MGAM2: variants seen among roughly 807,000 people sequenced by gnomAD.
MGAM2 encodes maltase-glucoamylase 2 (putative).
MGAM2 carries 98 observed loss-of-function variants against 96.1 expected under a neutral mutation model. That is an observed-to-expected ratio of 1.02 (90% confidence interval 0.87 to 1.21). The LOEUF (loss-of-function observed/expected upper bound fraction) is 1.21. Among genes scored for constraint, MGAM2 ranks in the 50% most tolerant of loss-of-function variants. The pLI, the probability that MGAM2 is intolerant of heterozygous loss-of-function variation, is 0.00. For missense variants in MGAM2, 2,055 were observed against 1,182.4 expected (o/e 1.74, Z -10.82); for synonymous variants, 749 against 414.8 (o/e 1.81, Z -9.79).
chr7:142,214,578 G>A (rs1797689664), intron 46 of MGAM2, among the ~76,000 whole-genome samples: 1 of 152,104 alleles, frequency 6.6e-6, no homozygotes, highest in Admixed American at 6.5e-5. Flanking sequence ...AGATACCTAG[G>A]AATACAACTT....
Position 142,221,757 on chromosome 7 carries a change from A to G in MGAM2, c.7246A>G (p.Met2416Val), listed in dbSNP as rs1797937495. The G allele has an allele frequency of 1.2e-5, 5 of 407,236 alleles. No homozygotes were observed. Among genetic ancestry groups the G allele is most frequent in the African/African-American group, 4.1e-5 (2 of 48,770 alleles). The allele number at this position is 407,236 out of a possible 1,614,324, so 25.2% of individuals were successfully genotyped here. A position where few individuals can be genotyped will look rare whatever the true frequency, so the allele number is the denominator to read the frequency against. ...TACAAATCTTTCTAATCTAGGCACC[A>G]TGGATATTACTGATGCAGATAACTC... is the stretch of plus-strand genomic sequence containing the variant. ...APTNLSNLGT[M>V]DITDADNSSS... Residue 2416 changes from methionine to valine, a missense_variant, in exon 48 of 48, where the codon ATG (methionine) becomes GTG (valine). Met to Val is a conservative substitution (Grantham distance 21, BLOSUM62 1). Coordinates refer to ENST00000477922, the MANE Select transcript of MGAM2 (RefSeq NM_001293626.2).
At chr7:142,213,234 C>G (rs1422035321) in intron 46 of MGAM2, among the ~76,000 whole-genome samples, 1 of 151,838 alleles carries the variant, frequency 6.6e-6, no homozygotes, top group Non-Finnish European at 1.5e-5. Flanking sequence ...GATCTAAAAT[C>G]AACACCCTAA....
rs1360078542 is a variant in MGAM2, at chr7:142,198,421, TC to T, written c.4924-193del. 3.3e-5 allele frequency among the ~76,000 whole-genome samples: 5 copies of T among 152,306 alleles called. 1 individual carries two copies. Among genetic ancestry groups the T allele is most frequent in the African/African-American group, 1.2e-4 (5 of 41,558 alleles). On this transcript the variant is annotated intron_variant, in intron 43 of 47. Transcript: ENST00000477922. The stretch of plus-strand genomic sequence containing the variant: ...ACCCTTGCCCTTGCCTCTCAACTTT[TC>T]TGGAGAAACAAAGACAAGTCTAGAT...
chr7:142,208,408 C>A, intron 45 of MGAM2, 165 bp from the exon 46 acceptor site: 1 of 655,526 alleles, frequency 1.5e-6, no homozygotes, highest in South Asian at 1.7e-5. Flanking sequence ...CACTAACATG[C>A]AGTGAAATAG....
rs73545351 is a variant in MGAM2 at position 142,116,115 on chromosome 7, T to C, written c.1-759T>C. ...ATGAGAACACATCCAGTGTCTGATG[T>C]CATTTTTGTAGATGAAGAAATACAG... On this transcript the variant is annotated intron_variant, in intron 1 of 47. Coordinates refer to ENST00000477922, the MANE Select transcript of MGAM2 (RefSeq NM_001293626.2). Among the ~76,000 whole-genome samples, 351 of 152,282 alleles carry C rather than the reference T, an allele frequency of 2.3e-3. 2 individuals are homozygous for C. The highest frequency in any genetic ancestry group is 7.7e-3 in the African/African-American group (320 of 41,568).
At chr7:142,156,138 T>C (rs1215957030) in intron 17 of MGAM2, among the ~76,000 whole-genome samples, 1 of 150,196 alleles carries the variant, frequency 6.7e-6, no homozygotes, top group Non-Finnish European at 1.5e-5. Context: ...AGAGCAAAAT[T>C]CCGTCTCAAA....
intron 32 of MGAM2, among the ~76,000 whole-genome samples, chr7:142,179,689 G>A (rs767685650): frequency 5.9e-5 from 9 of 151,964 alleles, no homozygotes; most frequent in East Asian, 1.9e-4. Flanking sequence ...CCAACCTTGC[G>A]TCTCAGGGTT....
chr7:142,177,317 T>C (rs1796409328), intron 32 of MGAM2, among the ~76,000 whole-genome samples: 1 of 152,200 alleles, frequency 6.6e-6, no homozygotes, highest in Non-Finnish European at 1.5e-5. Context: ...TTATTTGCTA[T>C]CATGAGAAGA....
intron 34 of MGAM2, among the ~76,000 whole-genome samples, chr7:142,185,404 C>T (rs143966096): frequency 9.5e-4 from 145 of 152,220 alleles, no homozygotes; most frequent in African/African-American, 3.1e-3. Context: ...AACTTTATGA[C>T]GCTTGAAAAA....
At chr7:142,218,677 C>A in intron 47 of MGAM2, 146 bp downstream of exon 47, 1 of 574,982 alleles carries the variant, frequency 1.7e-6, no homozygotes, top group Non-Finnish European at 3.1e-6. Context: ...AGATATGTTC[C>A]TGAAAAGTTG....
At chr7:142,136,506 A>G (rs1177682886) in intron 7 of MGAM2, 35 bp from the exon 8 acceptor site, 2 of 635,252 alleles carry the variant, frequency 3.1e-6, no homozygotes, top group Non-Finnish European at 2.8e-6. Context: ...TTCTCAACAC[A>G]TAACACTATG....
chr7:142,176,308 C>G (rs1383257422), intron 32 of MGAM2, among the ~76,000 whole-genome samples: 1 of 152,162 alleles, frequency 6.6e-6, no homozygotes. Flanking sequence ...TACTAGGAAG[C>G]CACATCTTGA....
At position 142,189,469 on chromosome 7, in the gene MGAM2, A is replaced by T; in HGVS notation, c.4310A>T (p.Asn1437Ile). 2.3e-6 allele frequency: 2 copies of T among 860,924 alleles called. No homozygotes were observed. Among genetic ancestry groups the T allele is most frequent in the Non-Finnish European group, 3.9e-6 (2 of 517,266 alleles). 53.3% of individuals were successfully genotyped at this position (860,924 alleles called of 1,614,324 possible). Residue 1437 changes from asparagine to isoleucine, a missense_variant, in exon 37 of 48, where the codon AAC becomes ATC. Physicochemically the swap from Asn to Ile is moderately radical, Grantham distance 149. Coordinates refer to ENST00000477922, the MANE Select transcript of MGAM2 (RefSeq NM_001293626.2). ...SSPVEHYNVH[N>I]LYGWSQTRPT... Reference sequence around the variant, plus strand: ...CCCGTGGAGCACTACAACGTGCACAACCTGTACGGGTGGTCCCAGACCAGA... The same window carrying T: ...CCCGTGGAGCACTACAACGTGCACATCCTGTACGGGTGGTCCCAGACCAGA...
intron 8 of MGAM2, among the ~76,000 whole-genome samples, 160 bp downstream of exon 8, chr7:142,136,800 T>A (rs1678137321): frequency 6.6e-6 from 1 of 152,228 alleles, no homozygotes; most frequent in Admixed American, 6.5e-5. Context: ...TTAATCTGTC[T>A]ACAAATCCAG....
intron 32 of MGAM2, among the ~76,000 whole-genome samples, chr7:142,181,588 A>C (rs1409817682): frequency 2.6e-5 from 4 of 152,112 alleles, no homozygotes; most frequent in Non-Finnish European, 2.9e-5. Context: ...TATCATGCCT[A>C]TGTTTCCTTA....
At chr7:142,146,340 G>A (rs1282388260) in intron 14 of MGAM2, among the ~76,000 whole-genome samples, 1 of 151,934 alleles carries the variant, frequency 6.6e-6, no homozygotes, top group Non-Finnish European at 1.5e-5. Context: ...TAATTAGCAT[G>A]AGAAAGAGCA....
intron 45 of MGAM2, among the ~76,000 whole-genome samples, chr7:142,203,211 T>G (rs1171421886): frequency 6.6e-6 from 1 of 152,174 alleles, no homozygotes; most frequent in African/African-American, 2.4e-5. Flanking sequence ...TGTGAATACT[T>G]TCTCCTACTC....
Position 142,116,941 on chromosome 7 carries a change from A to G in MGAM2, c.68A>G (p.Asp23Gly), listed in dbSNP as rs1379849154. 1.4e-6 allele frequency: 1 copy of G among 703,318 alleles called. No homozygotes were observed. Among genetic ancestry groups the G allele is most frequent in the Non-Finnish European group, 2.6e-6 (1 of 385,034 alleles). The allele number at this position is 703,318 out of a possible 1,614,324, so 43.6% of individuals were successfully genotyped here. A position where few individuals can be genotyped will look rare whatever the true frequency, so the allele number is the denominator to read the frequency against. Residue 23 changes from aspartate to glycine, a missense_variant, in exon 2 of 48, where the codon GAT (aspartate) becomes GGT (glycine). By Grantham distance (94) the Asp-to-Gly change is moderately conservative. Coordinates refer to ENST00000477922, the MANE Select transcript of MGAM2 (RefSeq NM_001293626.2). Reference sequence around the variant, plus strand: ...TTCTGCTTAATTGTGGTGACCATAGATATCCTCTTGCTGCTTCTTGTGTTG... The same window carrying G: ...TTCTGCTTAATTGTGGTGACCATAGGTATCCTCTTGCTGCTTCTTGTGTTG... ...IIFCLIVVTI[D>G]ILLLLLVLEE...
chr7:142,114,204 A>AAGAG (rs1299727461), intron 1 of MGAM2, among the ~76,000 whole-genome samples: 5 of 140,330 alleles, frequency 3.6e-5, no homozygotes, highest in Non-Finnish European at 6.1e-5. Context: ...GAAAGAAAGA[A>AAGAG]AGAAAGAAAG....
Sources: allele counts gnomAD v4.1 joint callset (sites outside exome capture counted in the v4.1 genomes callset), GRCh38; gene constraint gnomAD v4.1.1; transcripts MANE v1.5; gene names NCBI Gene and HGNC (gene_info 2026-07-23, HGNC 2026-07-21).